Variants in LRMDA observed in about 807,000 individuals in gnomAD.
The protein encoded by LRMDA is leucine rich melanocyte differentiation associated.
LRMDA carries 18 observed loss-of-function variants against 29.8 expected under a neutral mutation model. The observed-to-expected ratio is 0.60, with a 90% CI of 0.42 to 0.90. The LOEUF is 0.90. Among genes scored for constraint, LRMDA ranks in the 40% least tolerant of loss-of-function variants. LRMDA has a pLI of 0.00. For synonymous variants in LRMDA, 125 were observed against 109.4 expected, an observed-to-expected ratio of 1.14 and a Z score of -0.89; for missense variants, 273 against 273.9, an observed-to-expected ratio of 1.00 and a Z score of 0.02.
intron 6 of LRMDA, among the ~76,000 whole-genome samples, chr10:76,364,244 G>A (rs138065413): frequency 2.0e-5 from 3 of 152,172 alleles, no homozygotes; most frequent in East Asian, 3.9e-4. Context: ...GAAAAATTTC[G>A]CTGAGTTGAT....
At chr10:76,068,609 T>A (rs897509508) in intron 5 of LRMDA, among the ~76,000 whole-genome samples, 1 of 152,208 alleles carries the variant, frequency 6.6e-6, no homozygotes, top group Non-Finnish European at 1.5e-5. Context: ...TAATGCTCGC[T>A]CACCAGCCGC....
intron 6 of LRMDA, among the ~76,000 whole-genome samples, chr10:76,503,359 C>T (rs951499276): frequency 5.9e-5 from 9 of 151,872 alleles, no homozygotes; most frequent in African/African-American, 2.2e-4. Context: ...GGAGGAGCCC[C>T]TCATCCCTGA....
At chr10:76,277,587 C>T (rs572394601) in intron 5 of LRMDA, among the ~76,000 whole-genome samples, 1 of 152,082 alleles carries the variant, frequency 6.6e-6, no homozygotes, top group Non-Finnish European at 1.5e-5. Context: ...TGCTTCTGTC[C>T]TCCTTTTCCT....
At chr10:75,858,681 T>C (rs1844869108) in intron 2 of LRMDA, among the ~76,000 whole-genome samples, 1 of 152,220 alleles carries the variant, frequency 6.6e-6, no homozygotes, top group African/African-American at 2.4e-5. Flanking sequence ...TGTTGTTTGT[T>C]CTATAAATTT....
At chr10:76,524,064 A>G (rs781235128) in intron 6 of LRMDA, among the ~76,000 whole-genome samples, 1 of 152,250 alleles carries the variant, frequency 6.6e-6, no homozygotes, top group Non-Finnish European at 1.5e-5. Context: ...TAATCAATAC[A>G]CTAAAGTTGA....
chr10:75,897,067 G>A (rs553877635), intron 2 of LRMDA, among the ~76,000 whole-genome samples: 128 of 152,248 alleles, frequency 8.4e-4, no homozygotes, highest in African/African-American at 2.6e-3. Context: ...AGGTCTTACC[G>A]TAGAAAAGCT....
intron 2 of LRMDA, among the ~76,000 whole-genome samples, chr10:75,902,219 ATTGAG>A (rs1179989338): frequency 1.3e-5 from 2 of 152,176 alleles, no homozygotes; most frequent in African/African-American, 4.8e-5. Flanking sequence ...ACCATGCACT[ATTGAG>A]AGATAGGACC....
At chr10:75,870,083 A>G (rs990268604) in intron 2 of LRMDA, among the ~76,000 whole-genome samples, 3 of 152,184 alleles carry the variant, frequency 2.0e-5, no homozygotes, top group African/African-American at 7.2e-5. Flanking sequence ...TGTCACCTGA[A>G]AGCCACATGT....
At chr10:75,890,316 A>C (rs1845463438) in intron 2 of LRMDA, among the ~76,000 whole-genome samples, 1 of 152,230 alleles carries the variant, frequency 6.6e-6, no homozygotes, top group African/African-American at 2.4e-5. Context: ...TTCTCTCTCT[A>C]TATATGTGGT....
At chr10:75,951,292 G>A (rs998841159) in intron 2 of LRMDA, among the ~76,000 whole-genome samples, 1 of 152,204 alleles carries the variant, frequency 6.6e-6, no homozygotes, top group Non-Finnish European at 1.5e-5. Context: ...GAGTGGTGGT[G>A]GGCGGTAGCA....
At chr10:75,792,564 G>A (rs947807097) in intron 2 of LRMDA, among the ~76,000 whole-genome samples, 1 of 152,096 alleles carries the variant, frequency 6.6e-6, no homozygotes, top group African/African-American at 2.4e-5. Context: ...TGCCTGGCTG[G>A]TGTATTTTTT....
chr10:75,893,093 A>G (rs1043691924), intron 2 of LRMDA, among the ~76,000 whole-genome samples: 1 of 152,182 alleles, frequency 6.6e-6, no homozygotes, highest in African/African-American at 2.4e-5. Flanking sequence ...TGTGATAGGA[A>G]TTAGGTTACT....
chr10:76,537,067 C>A (rs1184759017), intron 6 of LRMDA, among the ~76,000 whole-genome samples: 1 of 152,102 alleles, frequency 6.6e-6, no homozygotes, highest in Non-Finnish European at 1.5e-5. Flanking sequence ...TCAAATGTAT[C>A]AAATAATTAC....
intron 5 of LRMDA, among the ~76,000 whole-genome samples, chr10:76,125,297 C>T (rs907344030): frequency 2.0e-5 from 3 of 152,072 alleles, no homozygotes; most frequent in South Asian, 2.1e-4. Context: ...TTCTTGCGTT[C>T]GGCTGTGTTG....
In LRMDA at chr10:76,559,679, G is replaced by C. The variant is rs1843600852; in HGVS notation, c.*2391G>C. 1 of 152,238 alleles carries C rather than the reference G, an allele frequency of 6.6e-6. No individual in the cohort carries two copies. Among genetic ancestry groups the C allele is most frequent in the Admixed American group, 6.5e-5 (1 of 15,280 alleles). 9.4% of individuals were successfully genotyped at this position (152,238 alleles called of 1,614,324 possible). A position where few individuals can be genotyped will look rare whatever the true frequency, so the allele number is the denominator to read the frequency against. ...CCCAAACCTTGTTTTTCAAAGTTGA[G>C]AAGTAGAAAGTAATAAATTCAATCA... is the stretch of plus-strand genomic sequence containing the variant. On this transcript the variant is annotated 3_prime_UTR_variant, in exon 7 of 7. Transcript: ENST00000611255.
chr10:76,445,319 T>G (rs749462017), intron 6 of LRMDA, among the ~76,000 whole-genome samples: 4 of 152,148 alleles, frequency 2.6e-5, no homozygotes, highest in Non-Finnish European at 5.9e-5. Flanking sequence ...TTAGAAAAGG[T>G]CTCTGCTGCT....
At chr10:76,407,458 T>C (rs1028132450) in intron 6 of LRMDA, among the ~76,000 whole-genome samples, 2 of 152,210 alleles carry the variant, frequency 1.3e-5, no homozygotes, top group African/African-American at 4.8e-5. Flanking sequence ...GTTCTAGAAG[T>C]TACTGGGACC....
intron 2 of LRMDA, among the ~76,000 whole-genome samples, chr10:75,964,385 C>A (rs1846820673): frequency 6.6e-6 from 1 of 152,150 alleles, no homozygotes; most frequent in South Asian, 2.1e-4. Flanking sequence ...TATTTTAAAA[C>A]CTTTATTTAA....
intron 6 of LRMDA, among the ~76,000 whole-genome samples, chr10:76,392,951 T>C (rs1435998673): frequency 6.6e-6 from 1 of 152,124 alleles, no homozygotes; most frequent in Non-Finnish European, 1.5e-5. Flanking sequence ...TTGTCTTTCT[T>C]TGCCAGGCAT....
Sources: gnomAD v4.1 joint callset for allele counts (sites outside exome capture counted in the v4.1 genomes callset) on GRCh38, gnomAD v4.1.1 for gene constraint, MANE v1.5 for transcripts, NCBI Gene and HGNC (gene_info 2026-07-23, HGNC 2026-07-21) for gene names.